The following MSH5 variants were observed in gnomAD, a reference collection of about 807,000 sequenced individuals.
MSH5 encodes the protein mutS protein homolog 5.
A neutral mutation model predicts 107.7 loss-of-function variants in MSH5; 78 were observed. The ratio of observed to expected loss-of-function variants is 0.72; its 90% confidence interval spans 0.60 to 0.87. The LOEUF (loss-of-function observed/expected upper bound fraction) is 0.87, where lower values mean the gene tolerates loss of function less well. Among genes scored for constraint, MSH5 ranks in the 40% least tolerant of loss-of-function variants. The pLI, the probability that MSH5 is intolerant of heterozygous loss-of-function variation, is 0.00. For synonymous variants in MSH5, 326 were observed against 399.5 expected, an observed-to-expected ratio of 0.82 and a Z score of 2.19; for missense variants, 889 against 1,046.6, an observed-to-expected ratio of 0.85 and a Z score of 2.08.
intron 10 of MSH5, among the ~76,000 whole-genome samples, chr6:31,751,198 G>A (rs1206442187): frequency 6.6e-6 from 1 of 151,994 alleles, no homozygotes; most frequent in Non-Finnish European, 1.5e-5. Flanking sequence ...GGGTTTCACC[G>A]CGTTAGCCAG....
In MSH5 at chr6:31,761,426, A is replaced by G. The variant is rs767666620; in HGVS notation, c.2038-46A>G. The G allele has an allele frequency of 3.1e-6, 5 of 1,610,548 alleles. No individual in the cohort carries two copies. The highest frequency in any genetic ancestry group is 2.2e-5 in the East Asian group (1 of 44,862). On this transcript the variant is annotated intron_variant, in intron 21 of 24. Coordinates refer to ENST00000375750, the MANE Select transcript of MSH5 (RefSeq NM_172166.4). This position sits in a 1 kb window ranked among gnomAD's most constrained non-coding sequence, Gnocchi z 5.3. ...AGGCAGTGCAAGTGCAGAGGGGCAT[A>G]TGGGGTCCCCATGGCTCCGAATGCT...
At chr6:31,743,833 G>A in intron 5 of MSH5, 71 bp from the exon 6 acceptor site, 1 of 1,579,536 alleles carries the variant, frequency 6.3e-7, no homozygotes, top group Non-Finnish European at 8.6e-7. Context: ...TGCTTCTATT[G>A]TCTCATTCTT....
In MSH5 at chr6:31,759,594, T is replaced by C; in HGVS notation, c.1495+82T>C. The C allele has an allele frequency of 6.8e-7, 1 of 1,475,210 alleles. No homozygotes were observed. The highest frequency in any genetic ancestry group is 9.4e-7 in the Non-Finnish European group (1 of 1,065,800). The allele number at this position is 1,475,210 out of a possible 1,614,324, so 91.4% of individuals were successfully genotyped here. The stretch of plus-strand genomic sequence containing the variant: ...AGGGGAAGGAGGGGAGTGGGCAACT[T>C]GGGGATGCTTCCAACAGGCCCCTCC... On this transcript the variant is annotated intron_variant, in intron 17 of 24. Transcript: ENST00000375750. This position sits in a 1 kb window ranked among gnomAD's most constrained non-coding sequence, Gnocchi z 4.7.
At chr6:31,744,462 A>T (rs1303710605) in intron 7 of MSH5, 84 bp from the exon 8 acceptor site, 1 of 1,567,338 alleles carries the variant, frequency 6.4e-7, no homozygotes, top group African/African-American at 1.4e-5. Flanking sequence ...GAAGACTGGG[A>T]CAATATTCAG....
Position 31,759,534 on chromosome 6 carries a change from T to A in MSH5, c.1495+22T>A. The A allele has an allele frequency of 1.2e-6, 2 of 1,611,266 alleles. No homozygotes were observed. Among genetic ancestry groups the A allele is most frequent in the Non-Finnish European group, 1.7e-6 (2 of 1,179,374 alleles). ...CGGGGTGAGGAAAAGCCAGAGGTTA[T>A]ATGCATTGTAAGATGTTTAAAAAAA... On this transcript the variant is annotated intron_variant, in intron 17 of 24. Transcript: ENST00000375750. The surrounding 1 kb of genome is among the most constrained non-coding windows in gnomAD (Gnocchi z 4.7).
At chr6:31,743,215 C>A in intron 5 of MSH5, 45 bp downstream of exon 5, 2 of 1,581,248 alleles carry the variant, frequency 1.3e-6, no homozygotes, top group South Asian at 2.2e-5. Flanking sequence ...TTCCGGTGTC[C>A]CATTCTTTCC....
At chr6:31,748,220 TC>T (rs1809633953) in intron 10 of MSH5, among the ~76,000 whole-genome samples, 1 of 152,228 alleles carries the variant, frequency 6.6e-6, no homozygotes, top group South Asian at 2.1e-4. Context: ...CTGTTCCTCT[TC>T]CTGCATTCCC....
In MSH5 at chr6:31,761,942, C is replaced by T. The variant is rs1811050015; in HGVS notation, c.2306C>T (p.Ala769Val). 1.2e-6 allele frequency: 2 copies of T among 1,613,640 alleles called. No individual in the cohort carries two copies. The highest frequency in any genetic ancestry group is 1.1e-5 in the South Asian group (1 of 91,084). The change falls in exon 23 of 25, where the codon GCT (alanine) becomes GTT (valine). Residue 769 changes from alanine to valine, a missense_variant. Physicochemically the swap from Ala to Val is moderately conservative, Grantham distance 64. This residue lies in a region of MSH5 where 362 missense variants were observed against 456.2 expected (regional missense o/e 0.79). Coordinates refer to ENST00000375750, the MANE Select transcript of MSH5 (RefSeq NM_172166.4). The surrounding 1 kb of genome is among the most constrained non-coding windows in gnomAD (Gnocchi z 5.3). ...AQAGLPDKLV[A>V]RGKEVSDLIR... Reference sequence around the variant, plus strand: ...GCTGGGCTTCCTGACAAGCTTGTGGCTCGTGGCAAGGAGGTGATGAGATCC... The same window carrying T: ...GCTGGGCTTCCTGACAAGCTTGTGGTTCGTGGCAAGGAGGTGATGAGATCC...
At chr6:31,744,673 A>C in intron 8 of MSH5, 92 bp downstream of exon 8, 2 of 1,375,884 alleles carry the variant, frequency 1.5e-6, no homozygotes. Context: ...AGTTTCCCTA[A>C]TCCTGGGGCT....
chr6:31,748,150 CCACCTGCAGTTTT>C (rs1338049105), intron 10 of MSH5, among the ~76,000 whole-genome samples: 3 of 152,142 alleles, frequency 2.0e-5, no homozygotes, highest in Admixed American at 6.6e-5. Flanking sequence ...TTGCATATCA[CCACCTGCAGTTTT>C]CACAGGCAGC....
At position 31,761,079 on chromosome 6, in the gene MSH5, G is replaced by T; in HGVS notation, c.1963-109G>T. ...CGTGCACCTCACCATTCAAGAACTT[G>T]CAGTGCAGTAGGGAGGGCATGTATA... On this transcript the variant is annotated intron_variant, in intron 20 of 24. Coordinates refer to ENST00000375750, the MANE Select transcript of MSH5 (RefSeq NM_172166.4). The surrounding 1 kb of genome is among the most constrained non-coding windows in gnomAD (Gnocchi z 5.3). 8.9e-7 allele frequency: 1 copy of T among 1,128,762 alleles called. No homozygotes were observed. Among genetic ancestry groups the T allele is most frequent in the Non-Finnish European group, 1.3e-6 (1 of 777,746 alleles). The allele number at this position is 1,128,762 out of a possible 1,614,324, so 69.9% of individuals were successfully genotyped here.
At chr6:31,762,052 C>T (rs2151381327) in intron 23 of MSH5, 60 bp from the exon 24 acceptor site, 1 of 1,612,944 alleles carries the variant, frequency 6.2e-7, no homozygotes, top group Non-Finnish European at 8.5e-7. Context: ...ATTTCTGACC[C>T]TTATTTCCCC....
In MSH5 at chr6:31,740,526, C is replaced by T. The variant is rs1583890016; in HGVS notation, c.60C>T (p.Ala20=). The T allele has an allele frequency of 6.5e-7, 1 of 1,547,386 alleles. No homozygotes were observed. Among genetic ancestry groups the T allele is most frequent in the Non-Finnish European group, 8.7e-7 (1 of 1,145,978 alleles). Residue 20 remains alanine, a synonymous_variant, in exon 2 of 25, where the codon GCC becomes GCT. Coordinates refer to ENST00000375750, the MANE Select transcript of MSH5 (RefSeq NM_172166.4). The surrounding 1 kb of genome is among the most constrained non-coding windows in gnomAD (Gnocchi z 4.4). Reference sequence around the variant, plus strand: ...CGCAGGGACCGAGACCTGGGGCGGCCTCCTCCGGCTTCCCCAGCCCGGCCC... The same window carrying T: ...CGCAGGGACCGAGACCTGGGGCGGCTTCCTCCGGCTTCCCCAGCCCGGCCC... The part of the protein sequence containing the change: ...RTPQGPRPGA[A]SSGFPSPAPV...
Position 31,760,227 on chromosome 6 carries a change from G to T in MSH5, c.1812+11G>T. ...ATATACCTCAAACAGGTGAGGAGAA[G>T]CCCTGCAGCCTGGGCCTCTGGCGTC... On this transcript the variant is annotated intron_variant, in intron 19 of 24. Transcript: ENST00000375750. The surrounding 1 kb of genome is among the most constrained non-coding windows in gnomAD (Gnocchi z 5.6). 2 of 1,571,458 alleles carry T rather than the reference G, an allele frequency of 1.3e-6. No individual in the cohort carries two copies. The highest frequency in any genetic ancestry group is 1.7e-6 in the Non-Finnish European group (2 of 1,162,098).
Position 31,759,627 on chromosome 6 carries a change from G to C in MSH5, c.1495+115G>C, listed in dbSNP as rs1810783490. The C allele has an allele frequency of 2.2e-6, 3 of 1,353,032 alleles. No individual in the cohort carries two copies. In the African/African-American group the frequency reaches 4.3e-5, roughly 19 times the overall value. 83.8% of individuals were successfully genotyped at this position (1,353,032 alleles called of 1,614,324 possible). A position where few individuals can be genotyped will look rare whatever the true frequency, so the allele number is the denominator to read the frequency against. On this transcript the variant is annotated intron_variant, in intron 17 of 24. Transcript: ENST00000375750. This position sits in a 1 kb window ranked among gnomAD's most constrained non-coding sequence, Gnocchi z 4.7. ...CTTCCAACAGGCCCCTCCTCTTCCT[G>C]CTCTCTGTCTCGCTCACTCTGACTC...
At position 31,762,402 on chromosome 6, in the gene MSH5, A is replaced by AT; in HGVS notation, c.2394-14dup. ...TGTCCATTCTGCCATAAATCTTGCG[A>AT]TTTTCTCTCTTCTTCAGTTGCCAGA... On this transcript the variant is annotated splice_polypyrimidine_tract_variant and intron_variant, in intron 24 of 24. Coordinates refer to ENST00000375750, the MANE Select transcript of MSH5 (RefSeq NM_172166.4). 1 of 1,591,734 alleles carries AT rather than the reference A, an allele frequency of 6.3e-7. No homozygotes were observed. Among genetic ancestry groups the AT allele is most frequent in the Non-Finnish European group, 8.6e-7 (1 of 1,160,012 alleles).
At chr6:31,742,247 T>C (rs1380699938) in intron 3 of MSH5, among the ~76,000 whole-genome samples, 1 of 152,136 alleles carries the variant, frequency 6.6e-6, no homozygotes, top group Non-Finnish European at 1.5e-5. Context: ...GTGAGGCTGT[T>C]TTTTGGTTTG....
chr6:31,747,430 C>A lies in MSH5; in HGVS notation c.810C>A (p.Leu270=), dbSNP rs776004247. ...RCHCKWGEKL[L]RLWFTRPTHD... is the part of the protein sequence containing the mutation. ...ACTGTAAGTGGGGAGAGAAGCTGCT[C>A]AGGTGAGTGGGTCCCACACATACTA... The change falls in exon 10 of 25, where the codon CTC becomes CTA. Residue 270 remains leucine, a splice_region_variant and synonymous_variant. Transcript: ENST00000375750. The A allele has an allele frequency of 6.2e-7, 1 of 1,612,996 alleles. No homozygotes were observed. Among genetic ancestry groups the A allele is most frequent in the Non-Finnish European group, 8.5e-7 (1 of 1,179,974 alleles).
chr6:31,748,326 G>A (rs1191522296), intron 10 of MSH5, among the ~76,000 whole-genome samples: 1 of 146,670 alleles, frequency 6.8e-6, no homozygotes, highest in Non-Finnish European at 1.5e-5. Flanking sequence ...CCAAAACAGA[G>A]ATCTAAGCAT....
Sources: gnomAD v4.1 joint callset for allele counts (sites outside exome capture counted in the v4.1 genomes callset) on GRCh38, gnomAD v4.1.1 for gene constraint, gnomAD v4.1.1 regional missense constraint, Gnocchi (gnomAD v3.1) non-coding constraint, MANE v1.5 for transcripts, NCBI Gene and HGNC (gene_info 2026-07-23, HGNC 2026-07-21) for gene names.